SVIL: variants seen among roughly 807,000 people sequenced by gnomAD.
The protein encoded by SVIL is archvillin.
In SVIL, 101 loss-of-function variants were observed where a neutral mutation model predicts 240.4. That is an observed-to-expected ratio of 0.42 (90% confidence interval 0.36 to 0.50). The LOEUF is 0.50. SVIL is among the 20% of genes least tolerant of loss of function. SVIL has a pLI of 0.01. For synonymous variants in SVIL, 999 were observed against 1,100.0 expected, an observed-to-expected ratio of 0.91 and a Z score of 1.82; for missense variants, 2,512 against 2,818.7, an observed-to-expected ratio of 0.89 and a Z score of 2.46.
intron 2 of SVIL, among the ~76,000 whole-genome samples, chr10:29,563,611 T>C (rs1341090296): frequency 6.6e-6 from 1 of 152,192 alleles, no homozygotes; most frequent in Non-Finnish European, 1.5e-5. Flanking sequence ...AGAATAGCTG[T>C]GCAAGCTTGC....
chr10:29,507,294 C>T (rs1949438083), intron 17 of SVIL, among the ~76,000 whole-genome samples: 2 of 152,290 alleles, frequency 1.3e-5, no homozygotes, highest in East Asian at 3.9e-4. Flanking sequence ...GAGCGAAGAA[C>T]ATGGCTGCAT....
At chr10:29,495,893 C>G (rs1184680184) in intron 18 of SVIL, among the ~76,000 whole-genome samples, 1 of 152,142 alleles carries the variant, frequency 6.6e-6, no homozygotes, top group Non-Finnish European at 1.5e-5. Context: ...ACTTAGTAAA[C>G]AGAAGGATGA....
intron 26 of SVIL, among the ~76,000 whole-genome samples, chr10:29,485,105 G>T (rs1236804022): frequency 1.3e-5 from 2 of 151,834 alleles, no homozygotes; most frequent in East Asian, 3.9e-4. Context: ...TACAACTTGC[G>T]ATTCACAAGA....
intron 1 of SVIL, among the ~76,000 whole-genome samples, chr10:29,697,147 G>C (rs544345247): frequency 3.5e-4 from 37 of 104,426 alleles, no homozygotes; most frequent in Admixed American, 1.8e-3. Context: ...GAGGTGGGGG[G>C]GGTCAGCGCC....
At chr10:29,726,870 C>T (rs1964323336) in intron 1 of SVIL, among the ~76,000 whole-genome samples, 1 of 152,206 alleles carries the variant, frequency 6.6e-6, no homozygotes, top group Non-Finnish European at 1.5e-5. Flanking sequence ...GCCATCATGG[C>T]ATCCCCTCAT....
intron 1 of SVIL, among the ~76,000 whole-genome samples, chr10:29,586,509 G>A (rs1188022292): frequency 5.9e-5 from 9 of 152,086 alleles, no homozygotes; most frequent in Non-Finnish European, 7.3e-5. Flanking sequence ...GCCGTGGAAC[G>A]CAGGTCCCTT....
intron 1 of SVIL, among the ~76,000 whole-genome samples, chr10:29,596,487 A>AT (rs1325046911): frequency 6.6e-6 from 1 of 152,036 alleles, no homozygotes; most frequent in Non-Finnish European, 1.5e-5. Flanking sequence ...AGAAAAAAAA[A>AT]TTATTTGCCT....
chr10:29,524,097 A>C, intron 14 of SVIL, 70 bp from the exon 15 acceptor site: 1 of 1,415,640 alleles, frequency 7.1e-7, no homozygotes. Flanking sequence ...TGGTTTATGA[A>C]TTGACAGAAG....
At position 29,463,625 on chromosome 10, in the gene SVIL, A is replaced by G; in HGVS notation, c.6144T>C (p.Leu2048=). 1 of 1,614,026 alleles carries G rather than the reference A, an allele frequency of 6.2e-7. No homozygotes were observed. The highest frequency in any genetic ancestry group is 8.5e-7 in the Non-Finnish European group (1 of 1,179,984). ...LYSAPQPALF[L]VDNHHEVYLW... ...GGTACACCTCGTGGTGATTGTCAAC[A>G]AGGAAAAGTGCTGTGAGGGCAGGGA... Residue 2048 remains leucine, a synonymous_variant, in exon 35 of 38, where the codon CTT becomes CTC. Coordinates refer to ENST00000355867, the MANE Select transcript of SVIL (RefSeq NM_021738.3).
intron 3 of SVIL, among the ~76,000 whole-genome samples, chr10:29,560,479 G>T (rs116715961): frequency 6.6e-6 from 1 of 152,054 alleles, no homozygotes; most frequent in African/African-American, 2.4e-5. Flanking sequence ...TATTATAAAC[G>T]TTACATAGGT....
At chr10:29,638,229 T>C (rs1351920603), upstream of SVIL, among the ~76,000 whole-genome samples, 2 of 152,136 alleles carry the variant, frequency 1.3e-5, no homozygotes, top group Non-Finnish European at 2.9e-5. Flanking sequence ...TGGGAGGCTG[T>C]GGCGGATGGA....
At chr10:29,609,524 A>G (rs945531594) in intron 1 of SVIL, among the ~76,000 whole-genome samples, 1 of 152,226 alleles carries the variant, frequency 6.6e-6, no homozygotes, top group Non-Finnish European at 1.5e-5. Flanking sequence ...CAAGAAGTAG[A>G]GAAGAGCTGC....
At chr10:29,511,851 G>A (rs1037563996) in intron 17 of SVIL, among the ~76,000 whole-genome samples, 5 of 152,146 alleles carry the variant, frequency 3.3e-5, no homozygotes, top group African/African-American at 9.7e-5. Context: ...TTTTATGTAC[G>A]TTTCTTAATG....
rs1259566519 is a variant in SVIL at position 29,484,435 on chromosome 10, TAACA to T, written c.4955+217_4955+220del. On this transcript the variant is annotated intron_variant, in intron 27 of 37. Coordinates refer to ENST00000355867, the MANE Select transcript of SVIL (RefSeq NM_021738.3). The surrounding 1 kb of genome is among the most constrained non-coding windows in gnomAD (Gnocchi z 4.7). ...CTTGCTCACTTCAAGAAATCAACTA[TAACA>T]AACCTCTTCCAGAAGACTACGACAT... Among the ~76,000 whole-genome samples the T allele has an allele frequency of 6.6e-6, 1 of 152,192 alleles. No homozygotes were observed. The highest frequency in any genetic ancestry group is 1.5e-5 in the Non-Finnish European group (1 of 68,030).
At chr10:29,524,221 G>A (rs1950744527) in intron 14 of SVIL, among the ~76,000 whole-genome samples, 194 bp from the exon 15 acceptor site, 2 of 151,926 alleles carry the variant, frequency 1.3e-5, no homozygotes, top group South Asian at 4.2e-4. Flanking sequence ...AACACAGTTG[G>A]GCATACTATT....
At chr10:29,636,102 G>GTTT (rs561377211), upstream of SVIL, among the ~76,000 whole-genome samples, 1 of 137,738 alleles carries the variant, frequency 7.3e-6, no homozygotes. Context: ...CCAGTCAACT[G>GTTT]TTTTTTTTTT....
intron 17 of SVIL, among the ~76,000 whole-genome samples, chr10:29,504,117 G>A (rs1437040502): frequency 2.6e-5 from 4 of 152,056 alleles, no homozygotes; most frequent in East Asian, 3.8e-4. Context: ...TTCAACAAAC[G>A]ATGCTGGAAT....
At position 29,563,306 on chromosome 10, in the gene SVIL, C is replaced by T. The variant is rs561000240; in HGVS notation, c.-142-14G>A. On this transcript the variant is annotated splice_polypyrimidine_tract_variant and intron_variant, in intron 2 of 37. Coordinates refer to ENST00000355867, the MANE Select transcript of SVIL (RefSeq NM_021738.3). ...TCCTTCTGAAAGCTAAAAATTACTCCATTAATAAAGTTAAGTCCATTTAAA... is the reference window on the plus strand; with the variant it reads ...TCCTTCTGAAAGCTAAAAATTACTCTATTAATAAAGTTAAGTCCATTTAAA... 1.0e-6 allele frequency: 1 copy of T among 981,752 alleles called. No homozygotes were observed. Among genetic ancestry groups the T allele is most frequent in the African/African-American group, 1.7e-5 (1 of 57,214 alleles). The allele number at this position is 981,752 out of a possible 1,614,324, so 60.8% of individuals were successfully genotyped here. A position where few individuals can be genotyped will look rare whatever the true frequency, so the allele number is the denominator to read the frequency against.
chr10:29,520,961 C>T (rs1003880150), intron 16 of SVIL, among the ~76,000 whole-genome samples: 3 of 149,854 alleles, frequency 2.0e-5, no homozygotes, highest in Admixed American at 6.6e-5. Flanking sequence ...CGGTGGCTCA[C>T]GCCTGTAATC....
Sources: gnomAD v4.1 joint callset for allele counts (sites outside exome capture counted in the v4.1 genomes callset) on GRCh38, gnomAD v4.1.1 for gene constraint, Gnocchi (gnomAD v3.1) non-coding constraint, MANE v1.5 for transcripts, NCBI Gene and HGNC (gene_info 2026-07-23, HGNC 2026-07-21) for gene names.